ANKRD36B: variants seen among roughly 807,000 people sequenced by gnomAD.
The protein encoded by ANKRD36B is ankyrin repeat domain 36B.
A neutral mutation model predicts 135.7 loss-of-function variants in ANKRD36B; 37 were observed. The ratio of observed to expected loss-of-function variants is 0.27; its 90% CI spans 0.21 to 0.36. The LOEUF is 0.36. Ranked by LOEUF, ANKRD36B falls within the 10% of genes least tolerant of loss-of-function variation. ANKRD36B has a pLI of 1.00. For missense variants in ANKRD36B, 549 were observed against 1,037.1 expected (o/e 0.53, Z 6.46); for synonymous variants, 179 against 348.1 (o/e 0.51, Z 5.41).
In ANKRD36B at chr2:97,589,595, C is replaced by T; in HGVS notation, c.91G>A (p.Gly31Ser). The T allele has an allele frequency of 6.2e-7, 1 of 1,613,896 alleles. No homozygotes were observed. Among genetic ancestry groups the T allele is most frequent in the Non-Finnish European group, 8.5e-7 (1 of 1,179,944 alleles). ...AGGTACTTCAGTTTCTCCAGATTAC[C>T]ACGTAAGACAGCTCTGTGGATCCTC... is the stretch of plus-strand genomic sequence containing the variant. ...LKRIHRAVLR[G>S]NLEKLKYLLL... is the part of the protein sequence containing the mutation. The change falls in exon 1 of 44, where the codon GGT (glycine) becomes AGT (serine). Residue 31 changes from glycine to serine, a missense_variant. Coordinates refer to ENST00000359901, the MANE Select transcript of ANKRD36B (RefSeq NM_001393939.1).
intron 6 of ANKRD36B, among the ~76,000 whole-genome samples, chr2:97,562,316 C>T (rs75291884): frequency 6.6e-6 from 1 of 151,902 alleles, no homozygotes; most frequent in Non-Finnish European, 1.5e-5. Context: ...AAAATGCATT[C>T]TTTGATTCCT....
In ANKRD36B at chr2:97,539,890, G is replaced by A. The variant is rs548206329; in HGVS notation, c.1987+144C>T. ...AAGACCAGCAGCATCAGCGTCACCC[G>A]AGAACTTATTACAAATGAAGAATCT... On this transcript the variant is annotated intron_variant, in intron 30 of 43. Coordinates refer to ENST00000359901, the MANE Select transcript of ANKRD36B (RefSeq NM_001393939.1). The A allele has an allele frequency of 2.2e-3, 839 of 383,044 alleles. 282 individuals carry two copies. The highest frequency in any genetic ancestry group is 3.0e-3 in the Middle Eastern group (5 of 1,642). 23.7% of individuals were successfully genotyped at this position (383,044 alleles called of 1,614,324 possible).
In ANKRD36B at chr2:97,539,722, C is replaced by G. The variant is rs1234718190; in HGVS notation, c.1987+312G>C. 2 of 161,366 alleles carry G rather than the reference C, an allele frequency of 1.2e-5. 1 individual carries two copies. Among genetic ancestry groups the G allele is most frequent in the Non-Finnish European group, 3.1e-5 (2 of 64,934 alleles). The allele number at this position is 161,366 out of a possible 1,614,324, so 10.0% of individuals were successfully genotyped here. On this transcript the variant is annotated intron_variant, in intron 30 of 43. Transcript: ENST00000359901. Reference sequence around the variant, plus strand: ...TCTATACTTCATCTCTATCTCCTACCACCCTTGGTGAAAACATGCTGTAGA... The same window carrying G: ...TCTATACTTCATCTCTATCTCCTACGACCCTTGGTGAAAACATGCTGTAGA...
Position 97,532,266 on chromosome 2 carries a change from G to A in ANKRD36B, c.2265+45C>T, listed in dbSNP as rs540797794. ...AAATATGCTGTATTACCAAAGCTAG[G>A]AAAACAAGATTAAACCAGAAATTTG... is the stretch of plus-strand genomic sequence containing the variant. On this transcript the variant is annotated intron_variant, in intron 35 of 43. Transcript: ENST00000359901. 4 of 600,270 alleles carry A rather than the reference G, an allele frequency of 6.7e-6. 1 individual carries two copies. Among genetic ancestry groups the A allele is most frequent in the African/African-American group, 6.1e-5 (3 of 48,924 alleles). 37.2% of individuals were successfully genotyped at this position (600,270 alleles called of 1,614,324 possible).
rs1002028989 is a variant in ANKRD36B at position 97,551,294 on chromosome 2, C to A, written c.1370G>T (p.Arg457Met). The A allele has an allele frequency of 5.8e-6, 9 of 1,558,876 alleles. No individual in the cohort carries two copies. In the African/African-American group the frequency reaches 6.8e-5, roughly 12 times the overall value. The change falls in exon 18 of 44, where the codon AGG (arginine) becomes ATG (methionine). Residue 457 changes from arginine to methionine, a missense_variant. Physicochemically the swap from Arg to Met is moderately conservative, Grantham distance 91. Transcript: ENST00000359901. ...AATGTGTTTCGCAAAATTACCTGTC[C>A]TAGATATTTCTCCATCCTTTTTTTC... ...TREKKDGEIS[R>M]TVSSQKPPAL...
At position 97,546,010 on chromosome 2, in the gene ANKRD36B, A is replaced by G. The variant is rs1206315530; in HGVS notation, c.1580-149T>C. ...CTACTTTGTGTCTGGGGACAAGAAC[A>G]TGACAGAAATACACTGAAAAAAGGG... is the stretch of plus-strand genomic sequence containing the variant. On this transcript the variant is annotated intron_variant, in intron 22 of 43. Coordinates refer to ENST00000359901, the MANE Select transcript of ANKRD36B (RefSeq NM_001393939.1). 5 of 827,966 alleles carry G rather than the reference A, an allele frequency of 6.0e-6. No homozygotes were observed. The Admixed American group carries it at 8.2e-5, about 14-fold the overall frequency. The allele number at this position is 827,966 out of a possible 1,614,324, so 51.3% of individuals were successfully genotyped here. A position where few individuals can be genotyped will look rare whatever the true frequency, so the allele number is the denominator to read the frequency against.
chr2:97,545,843 G>A lies in ANKRD36B; in HGVS notation c.1598C>T (p.Pro533Leu). The A allele has an allele frequency of 1.0e-6, 1 of 960,232 alleles. No homozygotes were observed. Among genetic ancestry groups the A allele is most frequent in the East Asian group, 2.5e-5 (1 of 39,490 alleles). The allele number at this position is 960,232 out of a possible 1,614,324, so 59.5% of individuals were successfully genotyped here. A position where few individuals can be genotyped will look rare whatever the true frequency, so the allele number is the denominator to read the frequency against. ...KTRRVSSHKQPSLKATSDKED... is the reference protein window; with the variant it reads ...KTRRVSSHKQLSLKATSDKED... The stretch of plus-strand genomic sequence containing the variant: ...AGAGAGTTTAATTACCTTCAAGGAT[G>A]GTTGTTTATGAGAAGACACTGAAAA... The change falls in exon 23 of 44, where the codon CCA becomes CTA. Residue 533 changes from proline (P) to leucine (L), a missense_variant. By Grantham distance (98) the Pro-to-Leu change is moderately conservative. Coordinates refer to ENST00000359901, the MANE Select transcript of ANKRD36B (RefSeq NM_001393939.1).
chr2:97,570,266 A>C (rs567905244), intron 6 of ANKRD36B, among the ~76,000 whole-genome samples: 1 of 152,326 alleles, frequency 6.6e-6, no homozygotes, highest in African/African-American at 2.4e-5. Flanking sequence ...ACTATCAAAT[A>C]GAATTTTTAA....
chr2:97,528,218 G>A (rs1417134215), intron 35 of ANKRD36B, among the ~76,000 whole-genome samples: 2 of 96,304 alleles, frequency 2.1e-5, no homozygotes, highest in African/African-American at 6.2e-5. Context: ...AGACCACAGT[G>A]CAATCAAACT....
At position 97,530,086 on chromosome 2, in the gene ANKRD36B, C is replaced by T. The variant is rs199846519; in HGVS notation, c.2265+2225G>A. On this transcript the variant is annotated intron_variant, in intron 35 of 43. Transcript: ENST00000359901. ...GTTCATATGGAACCAAAAAAGAGCC[C>T]GCATCACCACATCAATCCTAAGCCA... Among the ~76,000 whole-genome samples the T allele has an allele frequency of 3.1e-5, 3 of 95,484 alleles. 1 individual carries two copies. The highest frequency in any genetic ancestry group is 5.5e-5 in the Non-Finnish European group (2 of 36,054). 62.6% of individuals were successfully genotyped at this position (95,484 alleles called of 152,430 possible).
chr2:97,571,908 C>T (rs971595280), intron 6 of ANKRD36B, among the ~76,000 whole-genome samples: 2 of 152,056 alleles, frequency 1.3e-5, no homozygotes, highest in Non-Finnish European at 2.9e-5. Context: ...GATGAGTTAT[C>T]CACTTCTCCT....
At chr2:97,570,994 T>C (rs1258116284) in intron 6 of ANKRD36B, among the ~76,000 whole-genome samples, 3 of 152,164 alleles carry the variant, frequency 2.0e-5, no homozygotes, top group African/African-American at 4.8e-5. Context: ...TCTGCATGAA[T>C]AAATCCATAA....
intron 1 of ANKRD36B, among the ~76,000 whole-genome samples, chr2:97,587,007 T>G (rs2083049773): frequency 6.6e-6 from 1 of 151,950 alleles, no homozygotes; most frequent in African/African-American, 2.4e-5. Flanking sequence ...AACCCCGTCT[T>G]TACTAAAATA....
intron 6 of ANKRD36B, among the ~76,000 whole-genome samples, chr2:97,569,675 CTTTAGGTTCTTTTCAATA>C (rs2081698109): frequency 6.6e-6 from 1 of 152,092 alleles, no homozygotes; most frequent in Non-Finnish European, 1.5e-5. Flanking sequence ...TGAAAAATCT[CTTTAGGTTCTTTTCAATA>C]TTGCTGAGAA....
chr2:97,560,988 T>G, intron 6 of ANKRD36B, 128 bp from the exon 7 acceptor site: 1 of 798,916 alleles, frequency 1.3e-6, no homozygotes, highest in South Asian at 1.9e-5. Context: ...GGCTTTGATA[T>G]TTTATACTTT....
At position 97,526,668 on chromosome 2, in the gene ANKRD36B, T is replaced by C. The variant is rs1195600226; in HGVS notation, c.2266-3201A>G. Reference sequence around the variant, plus strand: ...TTAAAAACTTTGAAAAAAATTTAGATGAATGTATACCTAGAATAACCAATA... The same window carrying C: ...TTAAAAACTTTGAAAAAAATTTAGACGAATGTATACCTAGAATAACCAATA... On this transcript the variant is annotated intron_variant, in intron 35 of 43. Transcript: ENST00000359901. Among the ~76,000 whole-genome samples, 11 of 95,404 alleles carry C rather than the reference T, an allele frequency of 1.2e-4. 2 individuals carry two copies. Among genetic ancestry groups the C allele is most frequent in the African/African-American group, 1.9e-4 (6 of 31,950 alleles). 62.6% of individuals were successfully genotyped at this position (95,404 alleles called of 152,430 possible).
rs117811208 is a variant in ANKRD36B, at chr2:97,544,748, A to T, written c.1682-763T>A. Among the ~76,000 whole-genome samples, 1,270 of 96,898 alleles carry T rather than the reference A, an allele frequency of 0.013. 375 individuals are homozygous for T. The East Asian group carries it at 0.16, about 12-fold the overall frequency. 63.6% of individuals were successfully genotyped at this position (96,898 alleles called of 152,430 possible). On this transcript the variant is annotated intron_variant, in intron 24 of 43. Coordinates refer to ENST00000359901, the MANE Select transcript of ANKRD36B (RefSeq NM_001393939.1). ...ACAAGCATTAGATATTAATAAGTTT[A>T]ACATTCAGAAATCAATCAAATATTC...
rs1313051116 is a variant in ANKRD36B at position 97,577,159 on chromosome 2, A to AG, written c.696-714dup. Among the ~76,000 whole-genome samples, 31 of 149,988 alleles carry AG rather than the reference A, an allele frequency of 2.1e-4. 1 individual carries two copies. The Admixed American group carries it at 2.1e-3, about 10-fold the overall frequency. Reference sequence around the variant, plus strand: ...TCAATTCCAAGGGCAGAAAACTAACAGATGTCAAGATCTGGCTTGGGCTAC... The same window carrying AG: ...TCAATTCCAAGGGCAGAAAACTAACAGGATGTCAAGATCTGGCTTGGGCTAC... On this transcript the variant is annotated intron_variant, in intron 5 of 43. Coordinates refer to ENST00000359901, the MANE Select transcript of ANKRD36B (RefSeq NM_001393939.1).
intron 20 of ANKRD36B, among the ~76,000 whole-genome samples, chr2:97,547,959 T>C (rs1348227068): frequency 2.0e-5 from 3 of 151,770 alleles, no homozygotes; most frequent in Admixed American, 6.6e-5. Flanking sequence ...TATGATTTGT[T>C]ATATGCCAAA....
Sources: gnomAD v4.1 joint callset for allele counts (sites outside exome capture counted in the v4.1 genomes callset) on GRCh38, gnomAD v4.1.1 for gene constraint, MANE v1.5 for transcripts, NCBI Gene and HGNC (gene_info 2026-07-23, HGNC 2026-07-21) for gene names.